The following SYN3 variants were observed in gnomAD, a reference collection of about 807,000 sequenced individuals.
SYN3 encodes the protein synapsin III, also known as synapsin-3.
A neutral mutation model predicts 65.8 loss-of-function variants in SYN3; 35 were observed. That is an observed-to-expected ratio of 0.53 (90% CI 0.41 to 0.70). The LOEUF (loss-of-function observed/expected upper bound fraction) is 0.70. Among genes scored for constraint, SYN3 ranks in the 30% least tolerant of loss-of-function variants. SYN3 has a pLI of 0.00. For synonymous variants in SYN3, 270 were observed against 292.9 expected (o/e 0.92, Z 0.80); for missense variants, 680 against 749.0 (o/e 0.91, Z 1.08).
chr22:32,882,395 T>A (rs1191212788), intron 4 of SYN3, among the ~76,000 whole-genome samples: 1 of 152,174 alleles, frequency 6.6e-6, no homozygotes, highest in East Asian at 1.9e-4. Flanking sequence ...ATATTTCTTT[T>A]CATTAAAAAA....
intron 3 of SYN3, among the ~76,000 whole-genome samples, chr22:32,940,117 C>A (rs936917610): frequency 6.6e-6 from 1 of 152,060 alleles, no homozygotes; most frequent in Non-Finnish European, 1.5e-5. Flanking sequence ...TGATACTGAC[C>A]ACTTTTTCAT....
chr22:32,883,493 C>T (rs185237341), intron 4 of SYN3, among the ~76,000 whole-genome samples: 30 of 152,310 alleles, frequency 2.0e-4, no homozygotes, highest in East Asian at 7.7e-4. Flanking sequence ...TTTAGTGGCT[C>T]GCCAATCTTG....
In SYN3 at chr22:32,654,282, T is replaced by G. The variant is rs150963652; in HGVS notation, c.712-57546A>C. On this transcript the variant is annotated intron_variant, in intron 6 of 13. Coordinates refer to ENST00000358763, the MANE Select transcript of SYN3 (RefSeq NM_003490.4). ...CTTGGTCCTGGCAGTTTTTCTTGTC[T>G]GGACTGTACTACTACTCTCAACTCC... is the stretch of plus-strand genomic sequence containing the variant. Among the ~76,000 whole-genome samples the G allele has an allele frequency of 7.2e-4, 110 of 152,324 alleles. 2 individuals are homozygous for G. The East Asian group carries it at 0.019, about 26-fold the overall frequency.
At chr22:32,847,674 T>C (rs1269935914) in intron 6 of SYN3, among the ~76,000 whole-genome samples, 1 of 152,204 alleles carries the variant, frequency 6.6e-6, no homozygotes, top group East Asian at 1.9e-4. Flanking sequence ...GGAAGGATAA[T>C]GGAGCTACCA....
intron 6 of SYN3, among the ~76,000 whole-genome samples, chr22:32,814,770 G>A (rs1693842646): frequency 6.6e-6 from 1 of 152,064 alleles, no homozygotes. Context: ...TTACTGGGTG[G>A]CTCACAAGCG....
At chr22:32,924,265 G>A (rs1398403055) in intron 4 of SYN3, among the ~76,000 whole-genome samples, 1 of 152,090 alleles carries the variant, frequency 6.6e-6, no homozygotes, top group Non-Finnish European at 1.5e-5. Flanking sequence ...CCCACTGAAG[G>A]ACACACTGAG....
At chr22:32,976,328 C>G (rs1243008259) in intron 3 of SYN3, among the ~76,000 whole-genome samples, 1 of 152,204 alleles carries the variant, frequency 6.6e-6, no homozygotes, top group Non-Finnish European at 1.5e-5. Context: ...TTTGCTCCAC[C>G]TGCTAGAGCA....
intron 6 of SYN3, among the ~76,000 whole-genome samples, chr22:32,729,663 C>T (rs908153010): frequency 2.0e-5 from 3 of 152,224 alleles, no homozygotes; most frequent in Admixed American, 6.5e-5. Context: ...CACTGACTTG[C>T]AATCTAATCT....
chr22:32,658,533 T>C (rs1459602647), intron 6 of SYN3, among the ~76,000 whole-genome samples: 1 of 152,238 alleles, frequency 6.6e-6, no homozygotes, highest in Non-Finnish European at 1.5e-5. Flanking sequence ...TCTCTCACGC[T>C]CATTGAAGGC....
chr22:32,644,852 T>C (rs1458775296), intron 6 of SYN3, among the ~76,000 whole-genome samples: 1 of 152,144 alleles, frequency 6.6e-6, no homozygotes, highest in African/African-American at 2.4e-5. Flanking sequence ...TTTCTGACTG[T>C]TCCGGGAAAG....
intron 7 of SYN3, among the ~76,000 whole-genome samples, chr22:32,564,484 C>T (rs1324910128): frequency 6.6e-6 from 1 of 152,198 alleles, no homozygotes; most frequent in Non-Finnish European, 1.5e-5. Context: ...GGTCACACGG[C>T]TAGTAAATGA....
chr22:32,962,063 T>C (rs1304143954), intron 3 of SYN3, among the ~76,000 whole-genome samples: 3 of 151,794 alleles, frequency 2.0e-5, no homozygotes, highest in Non-Finnish European at 4.4e-5. Context: ...CAAAAAAATG[T>C]TCCTCCACAC....
intron 6 of SYN3, among the ~76,000 whole-genome samples, chr22:32,723,354 C>A (rs144716980): frequency 6.6e-6 from 1 of 152,314 alleles, no homozygotes; most frequent in East Asian, 1.9e-4. Flanking sequence ...GTGCTTAGAA[C>A]AGTGCAGGAA....
chr22:32,963,514 G>GGAT (rs2051727236), intron 3 of SYN3, among the ~76,000 whole-genome samples: 1 of 152,116 alleles, frequency 6.6e-6, no homozygotes, highest in Non-Finnish European at 1.5e-5. Context: ...GTATATGGAT[G>GGAT]GATGGATGGA....
intron 4 of SYN3, among the ~76,000 whole-genome samples, chr22:32,886,932 G>A (rs745870102): frequency 2.6e-5 from 4 of 152,238 alleles, no homozygotes; most frequent in East Asian, 1.9e-4. Flanking sequence ...CTTCTCCCCC[G>A]GAGGGGGTGG....
At chr22:32,742,023 C>T (rs558349024) in intron 6 of SYN3, among the ~76,000 whole-genome samples, 2 of 151,780 alleles carry the variant, frequency 1.3e-5, no homozygotes, top group Admixed American at 1.3e-4. Context: ...CCTGTAATCC[C>T]AGCACTTTGG....
At chr22:32,846,318 T>C (rs2048061409) in intron 6 of SYN3, among the ~76,000 whole-genome samples, 1 of 152,210 alleles carries the variant, frequency 6.6e-6, no homozygotes, top group African/African-American at 2.4e-5. Context: ...TCCCTGAAGT[T>C]CTGTAAGGCT....
intron 3 of SYN3, among the ~76,000 whole-genome samples, chr22:32,973,297 A>C (rs1368929652): frequency 6.6e-6 from 1 of 152,218 alleles, no homozygotes; most frequent in Non-Finnish European, 1.5e-5. Flanking sequence ...GAAACTAGTG[A>C]TAATAGTTAA....
intron 4 of SYN3, among the ~76,000 whole-genome samples, chr22:32,876,962 A>G (rs1260116063): frequency 6.6e-6 from 1 of 152,268 alleles, no homozygotes; most frequent in East Asian, 1.9e-4. Flanking sequence ...GATGATAGAT[A>G]AATAGACGGT....
Sources: gnomAD v4.1 joint callset for allele counts (sites outside exome capture counted in the v4.1 genomes callset) on GRCh38, gnomAD v4.1.1 for gene constraint, MANE v1.5 for transcripts, NCBI Gene and HGNC (gene_info 2026-07-23, HGNC 2026-07-21) for gene names.